Variants in STX3 observed in about 807,000 individuals in gnomAD.
The protein encoded by STX3 is syntaxin 3.
Under a neutral mutation model 40.2 loss-of-function variants are expected in STX3, and 19 were observed. The ratio of observed to expected loss-of-function variants is 0.47; its 90% CI spans 0.33 to 0.69. The LOEUF (loss-of-function observed/expected upper bound fraction) is 0.69, where lower values mean the gene tolerates loss of function less well. STX3 is among the 30% of genes least tolerant of loss of function. STX3 has a pLI of 0.02. For synonymous variants in STX3, 122 were observed against 132.2 expected, an observed-to-expected ratio of 0.92 and a Z score of 0.53; for missense variants, 364 against 366.7, an observed-to-expected ratio of 0.99 and a Z score of 0.06.
intron 1 of STX3, among the ~76,000 whole-genome samples, chr11:59,762,119 C>T (rs1863069828): frequency 6.6e-6 from 1 of 152,234 alleles, no homozygotes; most frequent in Admixed American, 6.5e-5. Context: ...CTTCCTCTGG[C>T]CTGTCTGACA....
intron 4 of STX3, 39 bp from the exon 5 acceptor site, chr11:59,790,480 G>T: frequency 1.4e-6 from 2 of 1,479,398 alleles, no homozygotes; most frequent in Non-Finnish European, 1.9e-6. Flanking sequence ...TCTTGGAGGC[G>T]GAGATAGGTT....
intron 10 of STX3, among the ~76,000 whole-genome samples, chr11:59,798,004 A>G (rs1865622505): frequency 6.6e-6 from 1 of 152,256 alleles, no homozygotes; most frequent in African/African-American, 2.4e-5. Context: ...TTTTACAGAC[A>G]AAGAAACTCA....
intron 1 of STX3, among the ~76,000 whole-genome samples, chr11:59,760,657 C>T (rs780384785): frequency 7.2e-5 from 11 of 152,152 alleles, no homozygotes; most frequent in Non-Finnish European, 1.0e-4. Flanking sequence ...CTCTAATTCT[C>T]TCAACCCTGC....
chr11:59,766,452 T>C (rs2134887999), intron 1 of STX3, among the ~76,000 whole-genome samples: 1 of 152,278 alleles, frequency 6.6e-6, no homozygotes, highest in Admixed American at 6.5e-5. Context: ...CAGATAAAAG[T>C]AAAGCTCTGT....
At chr11:59,799,004 C>T (rs1431787069) in intron 10 of STX3, among the ~76,000 whole-genome samples, 4 of 152,204 alleles carry the variant, frequency 2.6e-5, no homozygotes, top group Non-Finnish European at 5.9e-5. Context: ...ATCCTTCCGC[C>T]TCAGCCTTCT....
Position 59,802,932 on chromosome 11 carries a change from T to C in STX3, c.*2108T>C. The C allele has an allele frequency of 2.0e-6, 2 of 985,446 alleles. No homozygotes were observed. The highest frequency in any genetic ancestry group is 3.5e-5 in the African/African-American group (2 of 57,362). 61.0% of individuals were successfully genotyped at this position (985,446 alleles called of 1,614,324 possible). ...CCCCCAAAAGAATTTGGTTCAGTCC[T>C]TGGGAGTATCTGGCTTTAGGAGGAA... On this transcript the variant is annotated 3_prime_UTR_variant, in exon 11 of 11. Transcript: ENST00000337979.
intron 2 of STX3, among the ~76,000 whole-genome samples, chr11:59,777,275 C>G (rs1864017459): frequency 6.6e-6 from 1 of 152,156 alleles, no homozygotes; most frequent in South Asian, 2.1e-4. Context: ...GAGTTTTTTG[C>G]ACATACACAT....
chr11:59,776,287 A>T (rs1295767712), intron 2 of STX3, among the ~76,000 whole-genome samples: 1 of 152,224 alleles, frequency 6.6e-6, no homozygotes, highest in Non-Finnish European at 1.5e-5. Flanking sequence ...TTCTCTAAAA[A>T]GAGAATATTA....
intron 8 of STX3, among the ~76,000 whole-genome samples, chr11:59,794,628 GT>G (rs1410046463): frequency 6.6e-6 from 1 of 152,158 alleles, no homozygotes; most frequent in Non-Finnish European, 1.5e-5. Context: ...GCCTTGTTCT[GT>G]TTACAGACTG....
intron 6 of STX3, among the ~76,000 whole-genome samples, chr11:59,792,652 C>T (rs945550849): frequency 6.6e-6 from 1 of 151,990 alleles, no homozygotes; most frequent in Non-Finnish European, 1.5e-5. Context: ...AAGGCAGGGC[C>T]CCGTGGAGTG....
At chr11:59,799,829 C>T (rs61903589) in intron 10 of STX3, 1 of 985,210 alleles carries the variant, frequency 1.0e-6, no homozygotes, top group Non-Finnish European at 1.2e-6. Context: ...TTTTTTTCCC[C>T]TCTTTTTTCT....
chr11:59,786,207 T>G (rs1864758903), intron 2 of STX3, among the ~76,000 whole-genome samples: 1 of 151,936 alleles, frequency 6.6e-6, no homozygotes, highest in Non-Finnish European at 1.5e-5. Context: ...TATCTCTCTT[T>G]TTCTCTCCTT....
In STX3 at chr11:59,760,864, A is replaced by G. The variant is rs149042697; in HGVS notation, c.30+5229A>G. 4.8e-3 allele frequency among the ~76,000 whole-genome samples: 725 copies of G among 152,250 alleles called. 3 individuals are homozygous for G. The highest frequency in any genetic ancestry group is 7.9e-3 in the Non-Finnish European group (536 of 68,016). On this transcript the variant is annotated intron_variant, in intron 1 of 10. Transcript: ENST00000337979. The stretch of plus-strand genomic sequence containing the variant: ...TGTATTCGATCATCTCCCTAACTGC[A>G]CTATATGCCTCTGATGCAACAGCAG...
chr11:59,781,386 T>C (rs1429985872), intron 2 of STX3: 29 of 1,600,682 alleles, frequency 1.8e-5, no homozygotes, highest in Non-Finnish European at 2.3e-5. Context: ...TTTCCCATCT[T>C]TCAATTTTCT....
At chr11:59,788,504 A>G (rs967164945) in intron 3 of STX3, among the ~76,000 whole-genome samples, 2 of 152,046 alleles carry the variant, frequency 1.3e-5, no homozygotes, top group Admixed American at 6.6e-5. Flanking sequence ...GTTGAAATCT[A>G]TTTTCCCCAT....
chr11:59,785,661 A>G (rs1398834185), intron 2 of STX3, among the ~76,000 whole-genome samples: 2 of 152,198 alleles, frequency 1.3e-5, no homozygotes, highest in Admixed American at 6.5e-5. Context: ...ATGAAGAGCT[A>G]TAATCAGGTT....
chr11:59,769,287 A>G (rs1863435912), intron 1 of STX3, among the ~76,000 whole-genome samples: 1 of 151,946 alleles, frequency 6.6e-6, no homozygotes, highest in East Asian at 1.9e-4. Context: ...GAGGAGGAGG[A>G]TGAGGATGGG....
intron 1 of STX3, among the ~76,000 whole-genome samples, chr11:59,762,118 G>A (rs998331797): frequency 6.6e-6 from 1 of 152,182 alleles, no homozygotes; most frequent in African/African-American, 2.4e-5. Context: ...GCTTCCTCTG[G>A]CCTGTCTGAC....
In STX3 at chr11:59,792,153, A is replaced by G. The variant is rs747357728; in HGVS notation, c.404A>G (p.Asn135Ser). ...RKFVEVMTKY[N>S]EAQVDFRERS... The stretch of plus-strand genomic sequence containing the variant: ...TTTGTGGAGGTGATGACCAAATACA[A>G]TGAAGCTCAAGTGGACTTCCGAGAA... Residue 135 changes from asparagine (N) to serine (S), a missense_variant, in exon 6 of 11, where the codon AAT becomes AGT. Physicochemically the swap from Asn to Ser is conservative, Grantham distance 46. Coordinates refer to ENST00000337979, the MANE Select transcript of STX3 (RefSeq NM_004177.5). 3.7e-5 allele frequency: 59 copies of G among 1,614,022 alleles called. No individual in the cohort carries two copies. Among genetic ancestry groups the G allele is most frequent in the Admixed American group, 1.0e-4 (6 of 60,000 alleles).
Sources: gnomAD v4.1 joint callset for allele counts (sites outside exome capture counted in the v4.1 genomes callset) on GRCh38, gnomAD v4.1.1 for gene constraint, MANE v1.5 for transcripts, NCBI Gene and HGNC (gene_info 2026-07-23, HGNC 2026-07-21) for gene names.